LRRC1: variants seen among roughly 807,000 people sequenced by gnomAD.
LRRC1 encodes the protein leucine-rich repeat-containing protein 1.
Under a neutral mutation model 69.9 loss-of-function variants are expected in LRRC1, and 28 were observed. The observed-to-expected ratio is 0.40, with a 90% CI of 0.30 to 0.55. The LOEUF (loss-of-function observed/expected upper bound fraction) is 0.55. Among genes scored for constraint, LRRC1 ranks in the 20% least tolerant of loss-of-function variants. The pLI is 0.47. For missense variants in LRRC1, 498 were observed against 609.0 expected (o/e 0.82, Z 1.92); for synonymous variants, 236 against 240.2 (o/e 0.98, Z 0.16).
At chr6:53,917,458 T>C (rs1226206945) in intron 11 of LRRC1, among the ~76,000 whole-genome samples, 1 of 152,238 alleles carries the variant, frequency 6.6e-6, no homozygotes, top group African/African-American at 2.4e-5. Flanking sequence ...TTGTAGAGTC[T>C]AATAATTTAT....
chr6:53,851,034 A>G (rs1266361272), intron 2 of LRRC1, among the ~76,000 whole-genome samples: 1 of 152,006 alleles, frequency 6.6e-6, no homozygotes, highest in East Asian at 1.9e-4. Context: ...AGAAGAGGAG[A>G]AGAAATATGA....
At chr6:53,858,346 G>T (rs1766385408) in intron 2 of LRRC1, among the ~76,000 whole-genome samples, 1 of 152,010 alleles carries the variant, frequency 6.6e-6, no homozygotes, top group African/African-American at 2.4e-5. Context: ...TCAACAGACT[G>T]CCCTTCCCAC....
intron 2 of LRRC1, among the ~76,000 whole-genome samples, chr6:53,844,980 G>C (rs1480909239): frequency 2.0e-5 from 3 of 152,162 alleles, no homozygotes; most frequent in Admixed American, 6.5e-5. Flanking sequence ...CAAGGCGGGG[G>C]GATCACTAGG....
In LRRC1 at chr6:53,798,040, G is replaced by A. The variant is rs896192648; in HGVS notation, c.159+2625G>A. Among the ~76,000 whole-genome samples the A allele has an allele frequency of 3.9e-5, 6 of 152,188 alleles. No homozygotes were observed. In the South Asian group the frequency reaches 8.3e-4, roughly 21 times the overall value. On this transcript the variant is annotated intron_variant, in intron 1 of 13. Coordinates refer to ENST00000370888, the MANE Select transcript of LRRC1 (RefSeq NM_018214.5). ...GAGACTCCATTATTTACAAGTTATTGGGAATATAGAGATTAAAGGAGGCAT... is the reference window on the plus strand; with the variant it reads ...GAGACTCCATTATTTACAAGTTATTAGGAATATAGAGATTAAAGGAGGCAT...
chr6:53,876,369 A>G (rs370556810), intron 2 of LRRC1, among the ~76,000 whole-genome samples: 4 of 152,142 alleles, frequency 2.6e-5, no homozygotes, highest in Non-Finnish European at 5.9e-5. Context: ...CAGCCAAACC[A>G]TATCATTCTG....
chr6:53,920,580 C>A, intron 12 of LRRC1, 45 bp from the exon 13 acceptor site: 1 of 1,612,606 alleles, frequency 6.2e-7, no homozygotes, highest in South Asian at 1.1e-5. Context: ...ATTTACTGAT[C>A]ACATGAAACG....
At chr6:53,900,459 C>T (rs1391910788) in intron 8 of LRRC1, among the ~76,000 whole-genome samples, 1 of 152,140 alleles carries the variant, frequency 6.6e-6, no homozygotes, top group African/African-American at 2.4e-5. Flanking sequence ...TTTTAAGCAT[C>T]GATTCATCTC....
intron 2 of LRRC1, among the ~76,000 whole-genome samples, chr6:53,869,353 GGT>G (rs1305764087): frequency 6.6e-6 from 1 of 152,128 alleles, no homozygotes; most frequent in Non-Finnish European, 1.5e-5. Context: ...GGGGTATTGT[GGT>G]CAGGCTAGAC....
chr6:53,848,577 G>T (rs1166701981), intron 2 of LRRC1, among the ~76,000 whole-genome samples: 1 of 152,060 alleles, frequency 6.6e-6, no homozygotes, highest in Non-Finnish European at 1.5e-5. Context: ...GCTCCCATCT[G>T]GAAGGGTCTT....
chr6:53,887,579 G>A (rs956127172), intron 4 of LRRC1, among the ~76,000 whole-genome samples: 2 of 152,016 alleles, frequency 1.3e-5, no homozygotes, highest in African/African-American at 4.8e-5. Flanking sequence ...TCTGTGAAAT[G>A]GAGATAAGTG....
chr6:53,908,346 C>T (rs770607382), intron 10 of LRRC1, among the ~76,000 whole-genome samples: 3 of 152,120 alleles, frequency 2.0e-5, no homozygotes, highest in Non-Finnish European at 2.9e-5. Flanking sequence ...TTCATCAAAG[C>T]TTTTTTCAGT....
At chr6:53,873,289 C>CTTTT (rs57201410) in intron 2 of LRRC1, among the ~76,000 whole-genome samples, 7 of 136,806 alleles carry the variant, frequency 5.1e-5, no homozygotes, top group African/African-American at 1.9e-4. Flanking sequence ...ACCGATTTTT[C>CTTTT]TTTTTTTTTT....
chr6:53,897,398 A>G, intron 7 of LRRC1, 39 bp downstream of exon 7: 1 of 1,388,504 alleles, frequency 7.2e-7, no homozygotes, highest in Non-Finnish European at 1.0e-6. Context: ...AAAACATAAA[A>G]CAGCAACAAT....
At chr6:53,920,558 A>G in intron 12 of LRRC1, 67 bp from the exon 13 acceptor site, 2 of 1,593,968 alleles carry the variant, frequency 1.3e-6, no homozygotes, top group Non-Finnish European at 1.7e-6. Context: ...TGTCAGCCGC[A>G]AAGTTCATAG....
intron 1 of LRRC1, among the ~76,000 whole-genome samples, chr6:53,813,329 T>C (rs1022037504): frequency 6.6e-6 from 1 of 152,080 alleles, no homozygotes; most frequent in South Asian, 2.1e-4. Flanking sequence ...GTTGCTATGC[T>C]TGCTTGCTGG....
chr6:53,899,989 TGAG>T (rs1248334117), intron 8 of LRRC1, 98 bp downstream of exon 8: 1 of 983,638 alleles, frequency 1.0e-6, no homozygotes, highest in African/African-American at 1.7e-5. Context: ...TTTCAGATGC[TGAG>T]GATGTGGCTC....
intron 2 of LRRC1, among the ~76,000 whole-genome samples, chr6:53,845,123 GA>G (rs1765901991): frequency 6.6e-6 from 1 of 152,230 alleles, no homozygotes. Context: ...AGAATCGCTT[GA>G]ACCCGGGAGG....
chr6:53,841,648 A>G (rs1222038305), intron 1 of LRRC1, among the ~76,000 whole-genome samples: 1 of 152,128 alleles, frequency 6.6e-6, no homozygotes, highest in Non-Finnish European at 1.5e-5. Flanking sequence ...TTGCTTGCAC[A>G]CATTTGTGGG....
chr6:53,894,573 A>G (rs1340684011), intron 4 of LRRC1, among the ~76,000 whole-genome samples: 1 of 152,240 alleles, frequency 6.6e-6, no homozygotes, highest in Non-Finnish European at 1.5e-5. Flanking sequence ...AGATAAAATG[A>G]CAATCCTAAC....
Sources: gnomAD v4.1 joint callset for allele counts (sites outside exome capture counted in the v4.1 genomes callset) on GRCh38, gnomAD v4.1.1 for gene constraint, MANE v1.5 for transcripts, NCBI Gene and HGNC (gene_info 2026-07-23, HGNC 2026-07-21) for gene names.